Variants in MTSS1 observed in about 807,000 individuals in gnomAD.
MTSS1 encodes the protein protein MTSS 1.
MTSS1 carries 18 observed loss-of-function variants against 79.0 expected under a neutral mutation model. The observed-to-expected ratio is 0.23, with a 90% CI of 0.16 to 0.34. MTSS1 has a LOEUF of 0.34. Ranked by LOEUF, MTSS1 falls within the 10% of genes least tolerant of loss-of-function variation. The probability of loss-of-function intolerance (pLI) is 1.00; values close to 1 mark genes in which losing one functional copy is unlikely to be tolerated. For missense variants in MTSS1, 815 were observed against 986.2 expected, an observed-to-expected ratio of 0.83 and a Z score of 2.33; for synonymous variants, 341 against 368.6, an observed-to-expected ratio of 0.93 and a Z score of 0.86.
intron 3 of MTSS1, among the ~76,000 whole-genome samples, chr8:124,698,930 CA>C (rs1378478889): frequency 1.3e-5 from 2 of 152,276 alleles, no homozygotes; most frequent in African/African-American, 2.4e-5. Flanking sequence ...TTGCTGAAGC[CA>C]TTAAATTTTT....
At chr8:124,719,178 T>G (rs914511563) in intron 1 of MTSS1, among the ~76,000 whole-genome samples, 11 of 152,302 alleles carry the variant, frequency 7.2e-5, no homozygotes, top group Admixed American at 1.3e-4. Context: ...TCACTAGCTG[T>G]ATGACATGGG....
chr8:124,609,397 GCAGAAGAGTTAAGGGT>G (rs1835388052), intron 3 of MTSS1, among the ~76,000 whole-genome samples: 1 of 152,234 alleles, frequency 6.6e-6, no homozygotes, highest in Non-Finnish European at 1.5e-5. Context: ...TGGCTCGACA[GCAGAAGAGTTAAGGGT>G]CAGAAAGAGT....
chr8:124,614,449 A>G (rs1271320822), intron 3 of MTSS1, among the ~76,000 whole-genome samples: 1 of 152,140 alleles, frequency 6.6e-6, no homozygotes, highest in African/African-American at 2.4e-5. Context: ...GACAGGGGAC[A>G]CTCACCTTTG....
chr8:124,637,981 G>A (rs1270069355), intron 3 of MTSS1, among the ~76,000 whole-genome samples: 1 of 152,244 alleles, frequency 6.6e-6, no homozygotes, highest in Non-Finnish European at 1.5e-5. Context: ...GGGTTTGGCA[G>A]TTTAGGGGGA....
In MTSS1 at chr8:124,553,488, C is replaced by T. The variant is rs1822924574; in HGVS notation, c.1772G>A (p.Arg591Gln). The T allele has an allele frequency of 2.5e-6, 4 of 1,611,930 alleles. No individual in the cohort carries two copies. Among genetic ancestry groups the T allele is most frequent in the South Asian group, 1.1e-5 (1 of 91,002 alleles). The change falls in exon 14 of 14, where the codon CGG (arginine) becomes CAG (glutamine). Residue 591 changes from arginine to glutamine, a missense_variant. This residue lies in a region of MTSS1 where 590 missense variants were observed against 620.8 expected (regional missense o/e 0.95). Coordinates refer to ENST00000518547, the MANE Select transcript of MTSS1 (RefSeq NM_014751.6). The surrounding 1 kb of genome is among the most constrained non-coding windows in gnomAD (Gnocchi z 6.0). ...MVTPGVATIRRTPSTKPSVRR... is the reference protein window; with the variant it reads ...MVTPGVATIRQTPSTKPSVRR... ...GACAGAAGGCTTGGTGGAAGGGGTC[C>T]GTCGGATAGTTGCAACCCCTGGAGT...
intron 3 of MTSS1, among the ~76,000 whole-genome samples, chr8:124,690,644 C>CT (rs1482500190): frequency 1.3e-5 from 2 of 152,196 alleles, no homozygotes; most frequent in Non-Finnish European, 2.9e-5. Context: ...TAAAAGGCCA[C>CT]TTGTCAAATG....
chr8:124,684,836 CT>C (rs1305449717), intron 3 of MTSS1, among the ~76,000 whole-genome samples: 2 of 152,194 alleles, frequency 1.3e-5, no homozygotes, highest in African/African-American at 4.8e-5. Flanking sequence ...GATAACTTTG[CT>C]TGTCACATAG....
chr8:124,699,168 C>G (rs1829335608), intron 3 of MTSS1: 1 of 228,652 alleles, frequency 4.4e-6, no homozygotes, highest in African/African-American at 2.3e-5. Flanking sequence ...GCTTCCCATT[C>G]CACAAGGAAA....
intron 5 of MTSS1, among the ~76,000 whole-genome samples, chr8:124,586,868 GA>G (rs1462953052): frequency 6.6e-6 from 1 of 152,204 alleles, no homozygotes; most frequent in Non-Finnish European, 1.5e-5. Flanking sequence ...GAATGGGAAG[GA>G]GGGGGAAATA....
At chr8:124,654,368 A>G (rs531864554) in intron 3 of MTSS1, among the ~76,000 whole-genome samples, 3 of 152,320 alleles carry the variant, frequency 2.0e-5, no homozygotes, top group African/African-American at 2.4e-5. Context: ...ACAGAAGCAC[A>G]TGTTCCCATC....
Position 124,565,701 on chromosome 8 carries a change from G to A in MTSS1, c.785C>T (p.Ser262Phe). 5 of 1,614,144 alleles carry A rather than the reference G, an allele frequency of 3.1e-6. No individual in the cohort carries two copies. Among genetic ancestry groups the A allele is most frequent in the Non-Finnish European group, 4.2e-6 (5 of 1,180,026 alleles). ...YSWSYQTPPS[S>F]PSTTMSRKSS... Reference sequence around the variant, plus strand: ...CTTTCTGGACATGGTGGTGCTGGGGGAAGAGGGTGGCGTCTGATACGACCA... The same window carrying A: ...CTTTCTGGACATGGTGGTGCTGGGGAAAGAGGGTGGCGTCTGATACGACCA... Residue 262 changes from serine to phenylalanine, a missense_variant, in exon 9 of 14, where the codon TCC becomes TTC. Physicochemically the swap from Ser to Phe is radical, Grantham distance 155 (BLOSUM62 -2). Coordinates refer to ENST00000518547, the MANE Select transcript of MTSS1 (RefSeq NM_014751.6).
intron 3 of MTSS1, among the ~76,000 whole-genome samples, chr8:124,666,140 A>T (rs909225748): frequency 1.3e-5 from 2 of 152,254 alleles, no homozygotes; most frequent in African/African-American, 4.8e-5. Context: ...ATCTGTTTAC[A>T]GTCTCCATTA....
At position 124,553,674 on chromosome 8, in the gene MTSS1, AAAT is replaced by A. The variant is rs748249323; in HGVS notation, c.1583_1585del (p.Tyr528del). 6.2e-7 allele frequency: 1 copy of A among 1,611,112 alleles called. No individual in the cohort carries two copies. Among genetic ancestry groups the A allele is most frequent in the South Asian group, 1.1e-5 (1 of 90,746 alleles). On this transcript the variant is annotated inframe_deletion, in exon 14 of 14. Coordinates refer to ENST00000518547, the MANE Select transcript of MTSS1 (RefSeq NM_014751.6). The surrounding 1 kb of genome is among the most constrained non-coding windows in gnomAD (Gnocchi z 6.0). ...TGCCTCCTGGTCACCACTTACAGAG[AAAT>A]AATCATAATCTGAAACTGATTATAG...
intron 4 of MTSS1, among the ~76,000 whole-genome samples, chr8:124,590,059 G>T (rs1323069215): frequency 6.6e-6 from 1 of 152,168 alleles, no homozygotes; most frequent in Admixed American, 6.5e-5. Context: ...TTTTCACCAT[G>T]TTGGCCAGGA....
In MTSS1 at chr8:124,727,853, C is replaced by G. The variant is rs1177495162; in HGVS notation, c.72+31G>C. ...GGCGGCGAGGTCAGAGCGCGGCGGC[C>G]GGCGCCGCAGCCGCACCCCCGGCGT... On this transcript the variant is annotated intron_variant, in intron 1 of 13. Transcript: ENST00000518547. This position sits in a 1 kb window ranked among gnomAD's most constrained non-coding sequence, Gnocchi z 4.7. 1.3e-6 allele frequency: 2 copies of G among 1,557,728 alleles called. No individual in the cohort carries two copies. Among genetic ancestry groups the G allele is most frequent in the Non-Finnish European group, 1.7e-6 (2 of 1,156,444 alleles).
chr8:124,553,294 C>G lies in MTSS1; in HGVS notation c.1966G>C (p.Gly656Arg). Residue 656 changes from glycine to arginine, a missense_variant, in exon 14 of 14, where the codon GGT becomes CGT. By Grantham distance (125) the Gly-to-Arg change is moderately radical. Transcript: ENST00000518547. The surrounding 1 kb of genome is among the most constrained non-coding windows in gnomAD (Gnocchi z 6.0). ...ESPSVGEGPQ[G>R]VTSMPSSMWS... is the part of the protein sequence containing the mutation. ...ATTGAGGAGGGCATGCTGGTGACAC[C>G]TTGGGGGCCCTCACCCACAGATGGC... 7.4e-6 allele frequency: 12 copies of G among 1,614,132 alleles called. No individual in the cohort carries two copies. Among genetic ancestry groups the G allele is most frequent in the Non-Finnish European group, 1.0e-5 (12 of 1,180,010 alleles).
intron 3 of MTSS1, among the ~76,000 whole-genome samples, chr8:124,644,958 G>C (rs112773160): frequency 6.6e-6 from 1 of 152,172 alleles, no homozygotes; most frequent in Non-Finnish European, 1.5e-5. Context: ...AGCCATAAAC[G>C]TTTACTGGGG....
intron 3 of MTSS1, among the ~76,000 whole-genome samples, chr8:124,640,441 C>T (rs571541425): frequency 3.3e-5 from 5 of 152,260 alleles, no homozygotes; most frequent in Admixed American, 6.5e-5. Flanking sequence ...GTGGTCTTTC[C>T]GGCAACAACC....
At chr8:124,638,531 T>A (rs950987197) in intron 3 of MTSS1, among the ~76,000 whole-genome samples, 2 of 152,140 alleles carry the variant, frequency 1.3e-5, no homozygotes, top group African/African-American at 4.8e-5. Context: ...CCGGCGGAGA[T>A]CCGTGCCCTT....
Sources: allele counts gnomAD v4.1 joint callset (sites outside exome capture counted in the v4.1 genomes callset), GRCh38; gene constraint gnomAD v4.1.1; regional missense constraint gnomAD v4.1.1; non-coding constraint Gnocchi (gnomAD v3.1); transcripts MANE v1.5; gene names NCBI Gene and HGNC (gene_info 2026-07-23, HGNC 2026-07-21).